CFAP47: variants seen among roughly 807,000 people sequenced by gnomAD.
CFAP47 encodes the protein cilia and flagella associated protein 47.
In CFAP47, 29 loss-of-function variants were observed where a neutral mutation model predicts 148.1. The ratio of observed to expected loss-of-function variants is 0.20; its 90% CI spans 0.15 to 0.27. The LOEUF (loss-of-function observed/expected upper bound fraction) is 0.27, where lower values mean the gene tolerates loss of function less well. Among genes scored for constraint, CFAP47 ranks in the 10% least tolerant of loss-of-function variants. The pLI, the probability that CFAP47 is intolerant of heterozygous loss-of-function variation, is 1.00. For synonymous variants in CFAP47, 664 were observed against 577.3 expected (o/e 1.15, Z -2.15); for missense variants, 1,872 against 1,697.5 (o/e 1.10, Z -1.81).
rs761372175 is a variant in CFAP47, at chrX:35,982,521, T to C, written c.2713+6608T>C. Among the ~76,000 whole-genome samples the C allele has an allele frequency of 2.7e-5, 3 of 111,680 alleles. No individual in the cohort carries two copies. In the South Asian group the frequency reaches 1.1e-3, roughly 42 times the overall value. On this transcript the variant is annotated intron_variant, in intron 15 of 63. Transcript: ENST00000378653. ...GCAATTGCTTTTGGTGTCTTCATCA[T>C]GAAATCTTTGCCAGGGCTTATCTCC...
At chrX:36,027,550 G>A (rs143177214) in intron 22 of CFAP47, among the ~76,000 whole-genome samples, 1 of 110,629 alleles carries the variant, frequency 9.0e-6, no homozygotes, top group Non-Finnish European at 1.9e-5. Context: ...CTATTCCATG[G>A]TGTGCGTGTA....
At chrX:35,983,612 A>G (rs1331000023) in intron 15 of CFAP47, among the ~76,000 whole-genome samples, 2 of 111,111 alleles carry the variant, frequency 1.8e-5, no homozygotes, top group Non-Finnish European at 3.8e-5. Context: ...TATTATTTTG[A>G]TCTTATTATT....
intron 29 of CFAP47, among the ~76,000 whole-genome samples, chrX:36,081,107 AAG>A (rs1386458514): frequency 6.3e-5 from 7 of 111,607 alleles, no homozygotes; most frequent in Non-Finnish European, 1.1e-4. Flanking sequence ...TAGCTAGACT[AAG>A]AAAGAAAAAA....
chrX:36,232,082 G>A (rs1431178012), intron 46 of CFAP47, among the ~76,000 whole-genome samples: 1 of 110,843 alleles, frequency 9.0e-6, no homozygotes, highest in Non-Finnish European at 1.9e-5. Flanking sequence ...CTCCTTTTTG[G>A]TTGTGTCTCT....
intron 42 of CFAP47, among the ~76,000 whole-genome samples, chrX:36,196,394 A>C (rs182438843): frequency 9.0e-6 from 1 of 111,384 alleles, no homozygotes; most frequent in African/African-American, 3.3e-5. Flanking sequence ...ACAAAACGGG[A>C]AAGATCCGAA....
rs930967496 is a variant in CFAP47 at position 36,051,363 on chromosome X, C to T, written c.4217+4300C>T. On this transcript the variant is annotated intron_variant, in intron 26 of 63. Transcript: ENST00000378653. ...CAGCCAGAAGGGGGGCTGTAACCTG[C>T]AATGCCACAGGGGTGGAGCTGCTCA... Among the ~76,000 whole-genome samples the T allele has an allele frequency of 9.8e-5, 11 of 112,084 alleles. No individual in the cohort carries two copies. The Admixed American group carries it at 1.0e-3, about 11-fold the overall frequency.
intron 30 of CFAP47, among the ~76,000 whole-genome samples, chrX:36,089,204 C>T (rs1202708952): frequency 1.8e-5 from 2 of 109,963 alleles, no homozygotes; most frequent in South Asian, 7.7e-4. Context: ...CCTGTCTCTA[C>T]TAAAAACACA....
In CFAP47 at chrX:36,360,685, G is replaced by T. The variant is rs782545973; in HGVS notation, c.8852-645G>T. On this transcript the variant is annotated intron_variant, in intron 60 of 63. Transcript: ENST00000378653. ...TGGAGAGTAAGTTTAATACATGTTT[G>T]TACCTCTCATCTACATGCTAGCTCT... is the stretch of plus-strand genomic sequence containing the variant. Among the ~76,000 whole-genome samples, 7 of 111,737 alleles carry T rather than the reference G, an allele frequency of 6.3e-5. No individual in the cohort carries two copies. The East Asian group carries it at 2.0e-3, about 31-fold the overall frequency.
chrX:36,285,608 GTGTTT>G lies in CFAP47; in HGVS notation c.7589-9_7589-5del, dbSNP rs782649242. ...GGTATTCTGAAGTCTATATTAAAAA[GTGTTT>G]TGTTTTGTTTTTCAGATGGTAATTT... is the stretch of plus-strand genomic sequence containing the variant. On this transcript the variant is annotated splice_polypyrimidine_tract_variant and intron_variant, in intron 50 of 63. Coordinates refer to ENST00000378653, the MANE Select transcript of CFAP47 (RefSeq NM_001304548.2). 6.1e-4 allele frequency: 398 copies of G among 654,339 alleles called. 1 individual carries two copies. Among genetic ancestry groups the G allele is most frequent in the Non-Finnish European group, 9.1e-4 (372 of 410,450 alleles). The allele number at this position is 654,339 out of a possible 1,213,427, so 53.9% of individuals were successfully genotyped here.
chrX:36,312,645 A>G (rs1941403040), intron 56 of CFAP47, among the ~76,000 whole-genome samples: 3 of 111,888 alleles, frequency 2.7e-5, no homozygotes, highest in Admixed American at 1.9e-4. Flanking sequence ...TAAGATTTTA[A>G]CATTAAAAAT....
At position 35,935,562 on chromosome X, in the gene CFAP47, C is replaced by T. The variant is rs752531287; in HGVS notation, c.402-5721C>T. Among the ~76,000 whole-genome samples, 8 of 93,176 alleles carry T rather than the reference C, an allele frequency of 8.6e-5. No individual in the cohort carries two copies. In the Admixed American group the frequency reaches 8.7e-4, roughly 10 times the overall value. The allele number at this position is 93,176 out of a possible 115,157, so 80.9% of individuals were successfully genotyped here. On this transcript the variant is annotated intron_variant, in intron 2 of 63. Transcript: ENST00000378653. ...GTGCTCACCTGATTTTTGGTTTTTA[C>T]GAAGTTGCTTTTTTTTTTTTTTTTA...
intron 22 of CFAP47, among the ~76,000 whole-genome samples, chrX:36,024,332 T>A (rs1470312485): frequency 8.9e-6 from 1 of 111,922 alleles, no homozygotes; most frequent in East Asian, 2.8e-4. Context: ...AAGTCCTTCC[T>A]GCTTTTGCCT....
At position 36,236,817 on chromosome X, in the gene CFAP47, T is replaced by C. The variant is rs1473304095; in HGVS notation, c.7290T>C (p.His2430=). 1 of 501,495 alleles carries C rather than the reference T, an allele frequency of 2.0e-6. No individual in the cohort carries two copies. The highest frequency in any genetic ancestry group is 3.0e-5 in the Admixed American group (1 of 33,748). The allele number at this position is 501,495 out of a possible 1,213,427, so 41.3% of individuals were successfully genotyped here. ...ECQVGNVTQK[H]ITLPHFTNTA... ...AAGTGGGGAATGTGACACAAAAGCA[T>C]ATAACATTGCCTCATTTCACAAATA... is the stretch of plus-strand genomic sequence containing the variant. The change falls in exon 48 of 64, where the codon CAT becomes CAC. Residue 2430 remains histidine (H), a synonymous_variant. Coordinates refer to ENST00000378653, the MANE Select transcript of CFAP47 (RefSeq NM_001304548.2).
intron 33 of CFAP47, among the ~76,000 whole-genome samples, chrX:36,123,670 C>T: frequency 9.1e-6 from 1 of 110,493 alleles, no homozygotes; most frequent in Non-Finnish European, 1.9e-5. Flanking sequence ...ACTGGGACTT[C>T]CCCTTCAGAA....
chrX:35,921,005 A>T (rs1935569489), intron 1 of CFAP47, among the ~76,000 whole-genome samples: 1 of 112,282 alleles, frequency 8.9e-6, no homozygotes, highest in African/African-American at 3.2e-5. Flanking sequence ...AAATCGATGT[A>T]TTATTTACTT....
intron 57 of CFAP47, among the ~76,000 whole-genome samples, chrX:36,345,764 C>T (rs782708542): frequency 1.8e-5 from 2 of 111,447 alleles, no homozygotes; most frequent in South Asian, 3.7e-4. Flanking sequence ...ATACTTAGCA[C>T]GGAGCCTGAA....
chrX:36,306,721 G>T, intron 54 of CFAP47, 51 bp from the exon 55 acceptor site: 1 of 755,001 alleles, frequency 1.3e-6, no homozygotes. Context: ...ACCAACTCAA[G>T]CCAATTGGGT....
rs1182228337 is a variant in CFAP47, at chrX:36,250,942, T to A, written c.7333-391T>A. Reference sequence around the variant, plus strand: ...AAATATTTTTTATTTGTTTTATTAATATTGATGTAGAAATTTATTGAAATG... The same window carrying A: ...AAATATTTTTTATTTGTTTTATTAAAATTGATGTAGAAATTTATTGAAATG... On this transcript the variant is annotated intron_variant, in intron 48 of 63. Transcript: ENST00000378653. Among the ~76,000 whole-genome samples the A allele has an allele frequency of 2.7e-5, 3 of 111,108 alleles. No individual in the cohort carries two copies. The Admixed American group carries it at 2.9e-4, about 11-fold the overall frequency.
chrX:36,307,817 T>C (rs188600713), intron 55 of CFAP47, among the ~76,000 whole-genome samples: 678 of 110,984 alleles, frequency 6.1e-3, no homozygotes, highest in African/African-American at 0.021. Flanking sequence ...AAAATTTGTT[T>C]TGAGGCTGTT....
Sources: gnomAD v4.1 joint callset for allele counts (sites outside exome capture counted in the v4.1 genomes callset) on GRCh38, gnomAD v4.1.1 for gene constraint, MANE v1.5 for transcripts, NCBI Gene and HGNC (gene_info 2026-07-23, HGNC 2026-07-21) for gene names.